OCLN: variants seen among roughly 807,000 people sequenced by gnomAD.
OCLN encodes occludin.
A neutral mutation model predicts 47.9 loss-of-function variants in OCLN; 21 were observed. The observed-to-expected ratio is 0.44, with a 90% CI of 0.31 to 0.63. OCLN has a LOEUF of 0.63. OCLN is among the 30% of genes least tolerant of loss of function. The probability of loss-of-function intolerance (pLI) is 0.08; values close to 1 mark genes in which losing one functional copy is unlikely to be tolerated. For missense variants in OCLN, 360 were observed against 571.0 expected, an observed-to-expected ratio of 0.63 and a Z score of 3.77; for synonymous variants, 117 against 198.4, an observed-to-expected ratio of 0.59 and a Z score of 3.45.
At chr5:69,510,752 C>A (rs1768760243) in intron 3 of OCLN, among the ~76,000 whole-genome samples, 2 of 152,240 alleles carry the variant, frequency 1.3e-5, no homozygotes, top group South Asian at 4.1e-4. Context: ...TTAATGATTT[C>A]TTGAGTTGGG....
chr5:69,547,348 GA>G (rs1769736953), intron 6 of OCLN, among the ~76,000 whole-genome samples: 1 of 132,828 alleles, frequency 7.5e-6, no homozygotes, highest in Non-Finnish European at 1.6e-5. Context: ...GAGGCAGGTG[GA>G]TCACCTGAGG....
chr5:69,506,272 C>T (rs1436836904), intron 2 of OCLN, among the ~76,000 whole-genome samples: 2 of 152,114 alleles, frequency 1.3e-5, no homozygotes, highest in Non-Finnish European at 2.9e-5. Context: ...TAGGGAAACC[C>T]TGTCTTTTAA....
Position 69,534,909 on chromosome 5 carries a change from T to G in OCLN, c.1037+70T>G, listed in dbSNP as rs1438988770. 8 of 1,554,252 alleles carry G rather than the reference T, an allele frequency of 5.1e-6. 1 individual carries two copies. Among genetic ancestry groups the G allele is most frequent in the Non-Finnish European group, 6.1e-6 (7 of 1,146,288 alleles). On this transcript the variant is annotated intron_variant, in intron 5 of 8. Coordinates refer to ENST00000396442, the MANE Select transcript of OCLN (RefSeq NM_001205254.2). ...AGTATTTGCATATAATTGGTTTTTG[T>G]GCCTTTCTGCTTAAAAAAAATATCC...
In OCLN at chr5:69,515,657, G is replaced by A. The variant is rs571476500; in HGVS notation, c.891+1548G>A. Among the ~76,000 whole-genome samples, 712 of 147,074 alleles carry A rather than the reference G, an allele frequency of 4.8e-3. 9 individuals carry two copies. Among genetic ancestry groups the A allele is most frequent in the African/African-American group, 0.017 (678 of 40,194 alleles). On this transcript the variant is annotated intron_variant, in intron 4 of 8. Coordinates refer to ENST00000396442, the MANE Select transcript of OCLN (RefSeq NM_001205254.2). Reference sequence around the variant, plus strand: ...GGGCTGACCCCCCCACCTCCCTCCCGGATGGGGTAGCTGCCGGGCAGAGAC... The same window carrying A: ...GGGCTGACCCCCCCACCTCCCTCCCAGATGGGGTAGCTGCCGGGCAGAGAC...
chr5:69,509,191 A>G lies in OCLN; in HGVS notation c.101A>G (p.His34Arg). Reference protein sequence around the residue: ...PSNDIYGGEMHVRPMLSQPAY... With the variant: ...PSNDIYGGEMRVRPMLSQPAY... ...AATGACATATATGGTGGAGAGATGCATGTTCGACCAATGCTCTCTCAGCCA... is the reference window on the plus strand; with the variant it reads ...AATGACATATATGGTGGAGAGATGCGTGTTCGACCAATGCTCTCTCAGCCA... Residue 34 changes from histidine (H) to arginine (R), a missense_variant, in exon 3 of 9, where the codon CAT becomes CGT. Transcript: ENST00000396442. The G allele has an allele frequency of 1.1e-5, 18 of 1,614,112 alleles. No homozygotes were observed. The highest frequency in any genetic ancestry group is 1.5e-5 in the Non-Finnish European group (18 of 1,179,918).
intron 5 of OCLN, among the ~76,000 whole-genome samples, chr5:69,536,161 C>T (rs552170584): frequency 5.6e-4 from 85 of 152,148 alleles, no homozygotes; most frequent in African/African-American, 2.0e-3. Context: ...TCTTGTAAGG[C>T]ACTTACCATG....
At chr5:69,500,380 T>A (rs1768422111) in intron 1 of OCLN, among the ~76,000 whole-genome samples, 1 of 151,314 alleles carries the variant, frequency 6.6e-6, no homozygotes, top group African/African-American at 2.4e-5. Context: ...GTGGCATGAC[T>A]TGTTCTTAAC....
chr5:69,493,420 C>G lies in OCLN; in HGVS notation c.-69+520C>G, dbSNP rs572987869. Among the ~76,000 whole-genome samples, 102 of 152,150 alleles carry G rather than the reference C, an allele frequency of 6.7e-4. No individual in the cohort carries two copies. Among genetic ancestry groups the G allele is most frequent in the African/African-American group, 2.4e-3 (99 of 41,548 alleles). On this transcript the variant is annotated intron_variant, in intron 1 of 8. Transcript: ENST00000396442. This position sits in a 1 kb window ranked among gnomAD's most constrained non-coding sequence, Gnocchi z 5.3. Reference sequence around the variant, plus strand: ...TCCCACCCCACCCCTTTGGATATCCCGGGGAGACGGGGGCTGGATTCAATC... The same window carrying G: ...TCCCACCCCACCCCTTTGGATATCCGGGGGAGACGGGGGCTGGATTCAATC...
At chr5:69,536,898 G>T (rs1769603957) in intron 5 of OCLN, among the ~76,000 whole-genome samples, 1 of 151,608 alleles carries the variant, frequency 6.6e-6, no homozygotes, top group African/African-American at 2.4e-5. Flanking sequence ...AACCCGGGAG[G>T]TGGAGCTCCC....
intron 4 of OCLN, among the ~76,000 whole-genome samples, chr5:69,516,225 C>G (rs995965183): frequency 6.6e-6 from 1 of 152,170 alleles, no homozygotes; most frequent in Non-Finnish European, 1.5e-5. Context: ...CTGAGTGAAC[C>G]AGACTCCGTC....
chr5:69,535,003 C>T (rs1769543611), intron 5 of OCLN, among the ~76,000 whole-genome samples, 164 bp downstream of exon 5: 1 of 150,706 alleles, frequency 6.6e-6, no homozygotes, highest in East Asian at 1.9e-4. Context: ...GGTACAGAGG[C>T]CTACGGCTAC....
At position 69,493,205 on chromosome 5, in the gene OCLN, T is replaced by C. The variant is rs181733277; in HGVS notation, c.-69+305T>C. Among the ~76,000 whole-genome samples, 586 of 152,156 alleles carry C rather than the reference T, an allele frequency of 3.9e-3. 5 individuals are homozygous for C. Among genetic ancestry groups the C allele is most frequent in the African/African-American group, 0.014 (563 of 41,534 alleles). On this transcript the variant is annotated intron_variant, in intron 1 of 8. Transcript: ENST00000396442. This position sits in a 1 kb window ranked among gnomAD's most constrained non-coding sequence, Gnocchi z 5.3. ...CAGCGGCGCGGGCAACTTTTCACTT[T>C]TATGGGGCACGACATTCCTGAACAG...
intron 4 of OCLN, among the ~76,000 whole-genome samples, chr5:69,533,724 C>A (rs1769511889): frequency 6.6e-6 from 1 of 152,196 alleles, no homozygotes; most frequent in Admixed American, 6.5e-5. Flanking sequence ...ACTATCTCTG[C>A]TCACTGCAAC....
intron 3 of OCLN, among the ~76,000 whole-genome samples, chr5:69,510,838 A>G (rs562099068): frequency 6.6e-6 from 1 of 152,198 alleles, no homozygotes; most frequent in African/African-American, 2.4e-5. Flanking sequence ...GTTTTTCCAA[A>G]GAGTTTGCAT....
chr5:69,503,390 T>G (rs1768513017), intron 1 of OCLN, among the ~76,000 whole-genome samples: 2 of 152,184 alleles, frequency 1.3e-5, no homozygotes, highest in African/African-American at 2.4e-5. Context: ...CCATCCACTA[T>G]ATTCTTACTG....
chr5:69,497,988 C>T (rs1026336215), intron 1 of OCLN, among the ~76,000 whole-genome samples: 5 of 151,610 alleles, frequency 3.3e-5, no homozygotes, highest in South Asian at 2.1e-4. Context: ...AAAAATTAGC[C>T]GGGCGTAGTG....
At position 69,514,038 on chromosome 5, in the gene OCLN, T is replaced by C. The variant is rs994355755; in HGVS notation, c.820T>C (p.Tyr274His). The C allele has an allele frequency of 6.2e-7, 1 of 1,614,004 alleles. No individual in the cohort carries two copies. The highest frequency in any genetic ancestry group is 8.5e-7 in the Non-Finnish European group (1 of 1,179,848). ...AVKTRRKMDR[Y>H]DKSNILWDKE... Reference sequence around the variant, plus strand: ...GAAAACTCGAAGAAAGATGGACAGGTATGACAAGTCCAATATTTTGTGGGA... The same window carrying C: ...GAAAACTCGAAGAAAGATGGACAGGCATGACAAGTCCAATATTTTGTGGGA... Residue 274 changes from tyrosine to histidine, a missense_variant, in exon 4 of 9, where the codon TAT (tyrosine) becomes CAT (histidine). Around this residue, in one of 3 missense-constraint regions of OCLN, gnomAD observed 314 missense variants for 368.1 expected, o/e 0.85. Coordinates refer to ENST00000396442, the MANE Select transcript of OCLN (RefSeq NM_001205254.2).
chr5:69,530,273 T>C (rs143910079), intron 4 of OCLN, among the ~76,000 whole-genome samples: 7 of 152,318 alleles, frequency 4.6e-5, no homozygotes, highest in Non-Finnish European at 7.4e-5. Context: ...GACTGGGGCA[T>C]TCTGTCAGTA....
At chr5:69,500,221 C>T (rs1172763450) in intron 1 of OCLN, among the ~76,000 whole-genome samples, 2 of 152,124 alleles carry the variant, frequency 1.3e-5, no homozygotes, top group Non-Finnish European at 2.9e-5. Flanking sequence ...TGCCGTAATC[C>T]AGCCCCTTGG....
Sources: allele counts gnomAD v4.1 joint callset (sites outside exome capture counted in the v4.1 genomes callset), GRCh38; gene constraint gnomAD v4.1.1; regional missense constraint gnomAD v4.1.1; non-coding constraint Gnocchi (gnomAD v3.1); transcripts MANE v1.5; gene names NCBI Gene and HGNC (gene_info 2026-07-23, HGNC 2026-07-21).